HS3ST2: variants seen among roughly 807,000 people sequenced by gnomAD.
HS3ST2 encodes heparan sulfate-glucosamine 3-sulfotransferase 2.
A neutral mutation model predicts 26.3 loss-of-function variants in HS3ST2; 17 were observed. The ratio of observed to expected loss-of-function variants is 0.65; its 90% CI spans 0.44 to 0.97. HS3ST2 has a LOEUF of 0.97. HS3ST2 is among the 50% of genes least tolerant of loss of function. HS3ST2 has a pLI of 0.00. For missense variants in HS3ST2, 402 were observed against 501.2 expected (o/e 0.80, Z 1.89); for synonymous variants, 237 against 219.2 (o/e 1.08, Z -0.72).
intron 1 of HS3ST2, among the ~76,000 whole-genome samples, chr16:22,847,997 C>T (rs1341702567): frequency 6.6e-6 from 1 of 152,054 alleles, no homozygotes; most frequent in Admixed American, 6.5e-5. Flanking sequence ...AATTAATAGT[C>T]TCATTTTCTT....
chr16:22,907,683 A>G (rs990583895), intron 1 of HS3ST2, among the ~76,000 whole-genome samples: 3 of 152,240 alleles, frequency 2.0e-5, no homozygotes, highest in Admixed American at 6.5e-5. Flanking sequence ...AAAATGTTCA[A>G]TTGTTGAAGT....
At chr16:22,832,128 A>G (rs948958009) in intron 1 of HS3ST2, among the ~76,000 whole-genome samples, 1 of 146,954 alleles carries the variant, frequency 6.8e-6, no homozygotes, top group South Asian at 2.2e-4. Context: ...GACCACAGGC[A>G]TGTGCTACCA....
intron 1 of HS3ST2, among the ~76,000 whole-genome samples, chr16:22,858,555 TTTTGTTTGTTTG>T (rs59520466): frequency 1.3e-5 from 2 of 150,684 alleles, no homozygotes; most frequent in Non-Finnish European, 3.0e-5. Flanking sequence ...GGAATCCTTT[TTTTGTTTGTTTG>T]TTTGTTTGTT....
At chr16:22,907,928 AAG>A (rs1902376229) in intron 1 of HS3ST2, among the ~76,000 whole-genome samples, 1 of 152,270 alleles carries the variant, frequency 6.6e-6, no homozygotes, top group East Asian at 1.9e-4. Flanking sequence ...GCTTGAGCCC[AAG>A]AGTTTGAGAC....
At chr16:22,885,195 C>T (rs962847538) in intron 1 of HS3ST2, among the ~76,000 whole-genome samples, 1 of 152,046 alleles carries the variant, frequency 6.6e-6, no homozygotes. Context: ...CCCCCGTTTT[C>T]CCTCTTTAAG....
intron 1 of HS3ST2, among the ~76,000 whole-genome samples, chr16:22,836,710 G>A (rs1386470575): frequency 1.3e-5 from 2 of 151,928 alleles, no homozygotes; most frequent in Non-Finnish European, 2.9e-5. Flanking sequence ...AAATGTTTAG[G>A]ATGGCTCACT....
At chr16:22,855,825 G>A (rs1901586436) in intron 1 of HS3ST2, among the ~76,000 whole-genome samples, 1 of 151,784 alleles carries the variant, frequency 6.6e-6, no homozygotes, top group Admixed American at 6.6e-5. Flanking sequence ...AAGTGCAACA[G>A]AATTTTCTTT....
At chr16:22,899,483 C>T (rs1467661917) in intron 1 of HS3ST2, among the ~76,000 whole-genome samples, 2 of 152,034 alleles carry the variant, frequency 1.3e-5, no homozygotes, top group South Asian at 2.1e-4. Flanking sequence ...AGAAAGGGAA[C>T]GGTCTGAAAT....
chr16:22,867,047 A>T (rs1901767282), intron 1 of HS3ST2, among the ~76,000 whole-genome samples: 1 of 152,220 alleles, frequency 6.6e-6, no homozygotes, highest in Non-Finnish European at 1.5e-5. Flanking sequence ...TAGGATTATT[A>T]TTTTAAAACA....
chr16:22,845,624 TA>T lies in HS3ST2; in HGVS notation c.485+30530del, dbSNP rs141141696. Among the ~76,000 whole-genome samples the T allele has an allele frequency of 6.6e-3, 1,000 of 152,304 alleles. 11 individuals are homozygous for T. Among genetic ancestry groups the T allele is most frequent in the Middle Eastern group, 0.024 (7 of 294 alleles). ...CCTCGGCCTCCCAAAGTTCTGGGAT[TA>T]CAAGCGTGAGCCATGCGCCTGGCCT... On this transcript the variant is annotated intron_variant, in intron 1 of 1. Coordinates refer to ENST00000261374, the MANE Select transcript of HS3ST2 (RefSeq NM_006043.2).
chr16:22,884,659 A>AAAATAT (rs1555513936), intron 1 of HS3ST2, among the ~76,000 whole-genome samples: 1 of 139,052 alleles, frequency 7.2e-6, no homozygotes, highest in Non-Finnish European at 1.6e-5. Flanking sequence ...TAGAGAAAAA[A>AAAATAT]ATATATATAT....
chr16:22,816,297 CT>C (rs575637041), intron 1 of HS3ST2, among the ~76,000 whole-genome samples: 1 of 152,310 alleles, frequency 6.6e-6, no homozygotes, highest in Non-Finnish European at 1.5e-5. Flanking sequence ...GCTAAATCTG[CT>C]GTTTTTATCT....
chr16:22,841,322 A>C (rs1388544190), intron 1 of HS3ST2, among the ~76,000 whole-genome samples: 1 of 151,958 alleles, frequency 6.6e-6, no homozygotes, highest in Non-Finnish European at 1.5e-5. Flanking sequence ...TGGCCTCCCA[A>C]AGTGCTGGGA....
chr16:22,841,398 T>C (rs1006040923), intron 1 of HS3ST2, among the ~76,000 whole-genome samples: 1 of 152,162 alleles, frequency 6.6e-6, no homozygotes, highest in Non-Finnish European at 1.5e-5. Context: ...CCTGCATTTC[T>C]TCCTCTGCTC....
At chr16:22,838,608 C>T (rs1280646521) in intron 1 of HS3ST2, among the ~76,000 whole-genome samples, 1 of 152,140 alleles carries the variant, frequency 6.6e-6, no homozygotes, top group African/African-American at 2.4e-5. Flanking sequence ...TCCACAGCTG[C>T]TGAAACTCAA....
chr16:22,857,398 T>A lies in HS3ST2; in HGVS notation c.485+42303T>A, dbSNP rs568968167. ...CCTCTTTGTGATTTTCACTGTAGCC[T>A]CTCGATGAGTATTTGAGATGATTTT... On this transcript the variant is annotated intron_variant, in intron 1 of 1. Transcript: ENST00000261374. Among the ~76,000 whole-genome samples, 18 of 152,316 alleles carry A rather than the reference T, an allele frequency of 1.2e-4. 1 individual carries two copies. In the South Asian group the frequency reaches 3.7e-3, roughly 32 times the overall value.
chr16:22,821,952 CT>C, intron 1 of HS3ST2, among the ~76,000 whole-genome samples: 1 of 152,256 alleles, frequency 6.6e-6, no homozygotes, highest in African/African-American at 2.4e-5. Context: ...TCTTCCTAAG[CT>C]TTTCAAATCA....
Position 22,915,133 on chromosome 16 carries a change from C to T in HS3ST2, c.675C>T (p.Ile225=). Residue 225 remains isoleucine, a synonymous_variant, in exon 2 of 2, where the codon ATC becomes ATT. Transcript: ENST00000261374. ...AGACACTCTCCAAGAAGCCCGACAT[C>T]CCGACCTTTGAGGGCCTCTCCTTCC... ...YTQTLSKKPD[I]PTFEGLSFRN... 6.2e-7 allele frequency: 1 copy of T among 1,614,140 alleles called. No homozygotes were observed. Among genetic ancestry groups the T allele is most frequent in the South Asian group, 1.1e-5 (1 of 91,072 alleles).
intron 1 of HS3ST2, among the ~76,000 whole-genome samples, chr16:22,828,085 C>T (rs907057820): frequency 6.6e-6 from 1 of 152,148 alleles, no homozygotes; most frequent in African/African-American, 2.4e-5. Context: ...AAATATACTT[C>T]CCAATACTTG....
Sources: allele counts gnomAD v4.1 joint callset (sites outside exome capture counted in the v4.1 genomes callset), GRCh38; gene constraint gnomAD v4.1.1; transcripts MANE v1.5; gene names NCBI Gene and HGNC (gene_info 2026-07-23, HGNC 2026-07-21).